Variants in CPNE4 observed in about 807,000 individuals in gnomAD.
The protein encoded by CPNE4 is copine-4.
CPNE4 carries 25 observed loss-of-function variants against 67.9 expected under a neutral mutation model. That is an observed-to-expected ratio of 0.37 (90% CI 0.27 to 0.51). CPNE4 has a LOEUF of 0.51. Ranked by LOEUF, CPNE4 falls within the 20% of genes least tolerant of loss-of-function variation. CPNE4 has a pLI of 0.93. For synonymous variants in CPNE4, 242 were observed against 244.9 expected (o/e 0.99, Z 0.11); for missense variants, 464 against 690.8 (o/e 0.67, Z 3.68).
intron 2 of CPNE4, among the ~76,000 whole-genome samples, chr3:131,730,705 C>T (rs1215601845): frequency 6.6e-6 from 1 of 152,138 alleles, no homozygotes; most frequent in Non-Finnish European, 1.5e-5. Flanking sequence ...CAGAGTGGTG[C>T]AATCTCTTGT....
At chr3:131,820,617 CTCTT>C (rs1188121092) in intron 2 of CPNE4, among the ~76,000 whole-genome samples, 1 of 152,236 alleles carries the variant, frequency 6.6e-6, no homozygotes, top group Non-Finnish European at 1.5e-5. Flanking sequence ...TTACAAACAT[CTCTT>C]TCTAATAGAA....
intron 1 of CPNE4, among the ~76,000 whole-genome samples, chr3:131,951,187 G>A (rs2071709942): frequency 6.6e-6 from 1 of 152,024 alleles, no homozygotes; most frequent in Non-Finnish European, 1.5e-5. Context: ...GATGTTTTGT[G>A]ATTTTCTTTG....
At chr3:131,620,562 G>A (rs1234455228) in intron 7 of CPNE4, 1 of 612,448 alleles carries the variant, frequency 1.6e-6, no homozygotes, top group African/African-American at 2.0e-5. Flanking sequence ...CTGTGGATAT[G>A]TTACTTTAAA....
At chr3:131,611,419 A>T (rs962722628) in intron 7 of CPNE4, among the ~76,000 whole-genome samples, 10 of 152,192 alleles carry the variant, frequency 6.6e-5, no homozygotes. Context: ...AATGCTTGTC[A>T]TTGGGCCACA....
intron 9 of CPNE4, among the ~76,000 whole-genome samples, chr3:131,577,671 A>G (rs1937583862): frequency 6.6e-6 from 1 of 152,152 alleles, no homozygotes; most frequent in Non-Finnish European, 1.5e-5. Flanking sequence ...GCTCTGAGTG[A>G]GTCAGTGAGT....
At position 131,992,369 on chromosome 3, in the gene CPNE4, G is replaced by C. The variant is rs1173090980; in HGVS notation, c.-2+42198C>G. Among the ~76,000 whole-genome samples the C allele has an allele frequency of 2.2e-5, 3 of 136,678 alleles. 1 individual carries two copies. Among genetic ancestry groups the C allele is most frequent in the Non-Finnish European group, 5.0e-5 (3 of 60,070 alleles). The allele number at this position is 136,678 out of a possible 152,430, so 89.7% of individuals were successfully genotyped here. ...CATGGGGTCAAAGGGGATCATTTCG[G>C]AATTTTAAGGTTAATGACTGCCCTA... On this transcript the variant is annotated intron_variant, in intron 1 of 15. Coordinates refer to ENST00000429747, the MANE Select transcript of CPNE4 (RefSeq NM_130808.3).
intron 1 of CPNE4, among the ~76,000 whole-genome samples, chr3:131,974,471 G>T (rs2072591426): frequency 6.6e-6 from 1 of 152,144 alleles, no homozygotes; most frequent in African/African-American, 2.4e-5. Context: ...CAGCTTAAAT[G>T]ACTCTAACAG....
intron 2 of CPNE4, among the ~76,000 whole-genome samples, chr3:131,903,292 T>C (rs1306440924): frequency 6.6e-6 from 1 of 152,070 alleles, no homozygotes; most frequent in Non-Finnish European, 1.5e-5. Flanking sequence ...TACTTTATTT[T>C]CTTAGAATAA....
intron 10 of CPNE4, among the ~76,000 whole-genome samples, chr3:131,571,701 C>A (rs1289504581): frequency 1.3e-5 from 2 of 151,910 alleles, no homozygotes; most frequent in Non-Finnish European, 2.9e-5. Flanking sequence ...CTTGCTTCAT[C>A]TCTCGTTCCC....
intron 3 of CPNE4, among the ~76,000 whole-genome samples, chr3:131,714,307 T>G (rs142503687): frequency 6.0e-4 from 91 of 152,300 alleles, no homozygotes; most frequent in African/African-American, 2.1e-3. Context: ...CCACTGTGCC[T>G]GACATAATCC....
chr3:131,566,458 G>A (rs1937062810), intron 10 of CPNE4, among the ~76,000 whole-genome samples: 1 of 151,722 alleles, frequency 6.6e-6, no homozygotes. Context: ...AAGACCATAG[G>A]TGAGGCCCTT....
intron 2 of CPNE4, among the ~76,000 whole-genome samples, chr3:131,802,641 G>C (rs1335235076): frequency 6.6e-6 from 1 of 152,142 alleles, no homozygotes; most frequent in Non-Finnish European, 1.5e-5. Flanking sequence ...TCACAGCAAG[G>C]CTGTAAATGA....
intron 7 of CPNE4, among the ~76,000 whole-genome samples, chr3:131,654,839 C>CA (rs1194082540): frequency 6.6e-6 from 1 of 152,146 alleles, no homozygotes; most frequent in Non-Finnish European, 1.5e-5. Context: ...GTGCCACTTG[C>CA]AACTAGTGGA....
chr3:131,917,544 A>T (rs1360003075), intron 1 of CPNE4, among the ~76,000 whole-genome samples: 1 of 151,374 alleles, frequency 6.6e-6, no homozygotes, highest in African/African-American at 2.4e-5. Flanking sequence ...GACACACACC[A>T]AATTCATATG....
chr3:132,007,074 G>A (rs1431076070), intron 1 of CPNE4, among the ~76,000 whole-genome samples: 1 of 152,064 alleles, frequency 6.6e-6, no homozygotes, highest in African/African-American at 2.4e-5. Flanking sequence ...GATGTGCTCG[G>A]CACCTCTACC....
intron 2 of CPNE4, among the ~76,000 whole-genome samples, chr3:131,838,068 G>A: frequency 6.6e-6 from 1 of 151,690 alleles, no homozygotes; most frequent in East Asian, 1.9e-4. Context: ...CTCAGCTTTA[G>A]GCAACTTTCT....
At chr3:131,868,238 T>C (rs1473413696) in intron 2 of CPNE4, among the ~76,000 whole-genome samples, 2 of 152,210 alleles carry the variant, frequency 1.3e-5, no homozygotes, top group Admixed American at 1.3e-4. Context: ...AAAGCCTATC[T>C]TTCCCAGCCC....
intron 2 of CPNE4, among the ~76,000 whole-genome samples, chr3:131,868,179 T>C (rs1218940808): frequency 6.6e-6 from 1 of 152,184 alleles, no homozygotes; most frequent in Non-Finnish European, 1.5e-5. Context: ...ATTTCTTTTG[T>C]CTTAAATAGG....
intron 2 of CPNE4, among the ~76,000 whole-genome samples, chr3:131,806,725 A>G (rs1214635953): frequency 6.6e-6 from 1 of 152,152 alleles, no homozygotes; most frequent in African/African-American, 2.4e-5. Flanking sequence ...CAACAAAGCT[A>G]TTCCCTCATT....
Sources: gnomAD v4.1 joint callset for allele counts (sites outside exome capture counted in the v4.1 genomes callset) on GRCh38, gnomAD v4.1.1 for gene constraint, MANE v1.5 for transcripts, NCBI Gene and HGNC (gene_info 2026-07-23, HGNC 2026-07-21) for gene names.